PKNOX2: variants seen among roughly 807,000 people sequenced by gnomAD.
The protein encoded by PKNOX2 is PBX/knotted 1 homeobox 2.
A neutral mutation model predicts 53.1 loss-of-function variants in PKNOX2; 14 were observed. The observed-to-expected ratio is 0.26, with a 90% confidence interval of 0.17 to 0.41. PKNOX2 has a LOEUF of 0.41. Ranked by LOEUF, PKNOX2 falls within the 10% of genes least tolerant of loss-of-function variation. The pLI is 1.00. For missense variants in PKNOX2, 496 were observed against 602.8 expected (o/e 0.82, Z 1.85); for synonymous variants, 257 against 242.8 (o/e 1.06, Z -0.54).
At chr11:125,286,974 T>C (rs1946946573) in intron 2 of PKNOX2, among the ~76,000 whole-genome samples, 1 of 152,226 alleles carries the variant, frequency 6.6e-6, no homozygotes, top group Admixed American at 6.5e-5. Context: ...AAACATGTGC[T>C]GCACGTGGGA....
chr11:125,329,457 C>G (rs1280212447), intron 2 of PKNOX2, among the ~76,000 whole-genome samples: 3 of 152,200 alleles, frequency 2.0e-5, no homozygotes, highest in African/African-American at 7.2e-5. Context: ...GAAGATATTA[C>G]ACATGAAAGT....
chr11:125,171,280 G>A (rs1309479661), intron 1 of PKNOX2, among the ~76,000 whole-genome samples: 1 of 152,162 alleles, frequency 6.6e-6, no homozygotes, highest in Non-Finnish European at 1.5e-5. Context: ...TATTTATAGA[G>A]CATCTTCTGT....
chr11:125,167,118 G>C (rs2135162270), intron 1 of PKNOX2, among the ~76,000 whole-genome samples: 2 of 151,802 alleles, frequency 1.3e-5, no homozygotes. Flanking sequence ...GCCTAGCTGT[G>C]GGGTGTGGGG....
intron 2 of PKNOX2, among the ~76,000 whole-genome samples, chr11:125,302,208 G>T (rs1006206791): frequency 6.6e-6 from 1 of 152,204 alleles, no homozygotes; most frequent in Non-Finnish European, 1.5e-5. Flanking sequence ...CTGCAGCATC[G>T]CAGGCAAAGA....
At chr11:125,333,777 G>A (rs574464037) in intron 3 of PKNOX2, among the ~76,000 whole-genome samples, 4 of 152,164 alleles carry the variant, frequency 2.6e-5, no homozygotes, top group South Asian at 4.2e-4. Flanking sequence ...TTTTAAAATC[G>A]TTTTGCTTAC....
chr11:125,411,824 G>A lies in PKNOX2; in HGVS notation c.895G>A (p.Ala299Thr), dbSNP rs1274145315. The A allele has an allele frequency of 6.2e-7, 1 of 1,614,060 alleles. No homozygotes were observed. The highest frequency in any genetic ancestry group is 8.5e-7 in the Non-Finnish European group (1 of 1,180,040). Residue 299 changes from alanine (A) to threonine (T), a missense_variant, in exon 10 of 13, where the codon GCC becomes ACC. Physicochemically the swap from Ala to Thr is moderately conservative, Grantham distance 58 (BLOSUM62 0). Coordinates refer to ENST00000298282, the MANE Select transcript of PKNOX2 (RefSeq NM_001382323.2). ...KNKRGVLPKH[A>T]TNIMRSWLFQ... The stretch of plus-strand genomic sequence containing the variant: ...CAAACGAGGAGTCTTGCCCAAGCAT[G>A]CCACCAATATAATGCGTTCTTGGCT...
chr11:125,361,510 T>G (rs1346119087), intron 4 of PKNOX2, among the ~76,000 whole-genome samples: 1 of 152,242 alleles, frequency 6.6e-6, no homozygotes, highest in Admixed American at 6.5e-5. Flanking sequence ...CCCACGCTTC[T>G]GCTCTCCCCA....
chr11:125,215,033 G>A (rs538461777), intron 1 of PKNOX2, among the ~76,000 whole-genome samples: 1 of 151,968 alleles, frequency 6.6e-6, no homozygotes, highest in Non-Finnish European at 1.5e-5. Context: ...GAGCGTCCGC[G>A]AAGGAAATAA....
intron 2 of PKNOX2, among the ~76,000 whole-genome samples, chr11:125,328,320 A>AGGGAGAGAGCGG (rs59837753): frequency 0.02 from 3,065 of 151,584 alleles, 105 homozygotes; most frequent in African/African-American, 0.068. Context: ...CCTAGAAGAC[A>AGGGAGAGAGCGG]GGGAGAGAGC....
intron 2 of PKNOX2, among the ~76,000 whole-genome samples, chr11:125,299,713 G>T (rs979861022): frequency 6.6e-6 from 1 of 152,160 alleles, no homozygotes; most frequent in Non-Finnish European, 1.5e-5. Flanking sequence ...GCCTGAAGTC[G>T]TTTTCCTGGG....
intron 1 of PKNOX2, among the ~76,000 whole-genome samples, chr11:125,211,154 A>G (rs1939797237): frequency 6.6e-6 from 1 of 152,056 alleles, no homozygotes; most frequent in African/African-American, 2.4e-5. Context: ...GGAGAGGGTG[A>G]GGCTGGTAAG....
chr11:125,316,744 T>A (rs1335766654), intron 2 of PKNOX2, among the ~76,000 whole-genome samples: 1 of 152,250 alleles, frequency 6.6e-6, no homozygotes, highest in Non-Finnish European at 1.5e-5. Flanking sequence ...TCATAATTTT[T>A]TGCTGCTGGA....
intron 1 of PKNOX2, among the ~76,000 whole-genome samples, chr11:125,188,454 G>A (rs1004226814): frequency 1.3e-5 from 2 of 152,164 alleles, no homozygotes; most frequent in African/African-American, 2.4e-5. Flanking sequence ...AGTGTGCCAT[G>A]GTAAAAAGGT....
chr11:125,308,613 A>G (rs1009387446), intron 2 of PKNOX2, among the ~76,000 whole-genome samples: 1 of 152,228 alleles, frequency 6.6e-6, no homozygotes, highest in East Asian at 1.9e-4. Flanking sequence ...TGCCCCAATC[A>G]GAAATATCTT....
intron 3 of PKNOX2, among the ~76,000 whole-genome samples, chr11:125,343,728 G>A (rs950192937): frequency 1.3e-5 from 2 of 152,212 alleles, no homozygotes; most frequent in South Asian, 4.1e-4. Flanking sequence ...CAGGGAGGGC[G>A]GTGGGGCTCC....
rs75210367 is a variant in PKNOX2, at chr11:125,323,175, C to T, written c.-129-8644C>T. Among the ~76,000 whole-genome samples the T allele has an allele frequency of 1.8e-4, 28 of 152,172 alleles. No homozygotes were observed. In the East Asian group the frequency reaches 2.7e-3, roughly 15 times the overall value. On this transcript the variant is annotated intron_variant, in intron 2 of 12. Transcript: ENST00000298282. Reference sequence around the variant, plus strand: ...GCGTTTCCAGCATCCGTGAGTTTCTCGGTGCCAATTTTGTAAGTACAGGGA... The same window carrying T: ...GCGTTTCCAGCATCCGTGAGTTTCTTGGTGCCAATTTTGTAAGTACAGGGA...
chr11:125,329,682 A>G (rs59342803), intron 2 of PKNOX2, among the ~76,000 whole-genome samples: 23,389 of 152,222 alleles, frequency 0.15, 4,072 homozygotes, highest in African/African-American at 0.43. Flanking sequence ...GAATGTTTGC[A>G]TGAACACTGA....
intron 1 of PKNOX2, among the ~76,000 whole-genome samples, chr11:125,223,922 A>T (rs1941445627): frequency 6.6e-6 from 1 of 152,230 alleles, no homozygotes; most frequent in Non-Finnish European, 1.5e-5. Flanking sequence ...GGTCACACTG[A>T]AAGTTCTCTG....
chr11:125,323,679 T>C (rs1949658416), intron 2 of PKNOX2, among the ~76,000 whole-genome samples: 1 of 152,166 alleles, frequency 6.6e-6, no homozygotes, highest in African/African-American at 2.4e-5. Flanking sequence ...AATCGCAATT[T>C]CTCCTGGAAG....
Sources: gnomAD v4.1 joint callset for allele counts (sites outside exome capture counted in the v4.1 genomes callset) on GRCh38, gnomAD v4.1.1 for gene constraint, MANE v1.5 for transcripts, NCBI Gene and HGNC (gene_info 2026-07-23, HGNC 2026-07-21) for gene names.